Variants in GREP1 observed in about 807,000 individuals in gnomAD.
The protein encoded by GREP1 is glycine-rich extracellular protein 1.
exon 18 of GREP1, chr16:2,995,857 G>T: frequency 2.5e-6 from 1 of 398,334 alleles, no homozygotes; most frequent in East Asian, 3.6e-5. Context: ...CCCTCTCCAG[G>T]ATATGGGAAA....
chr16:3,001,663 G>T (rs1166906470), exon 35 of GREP1: 5 of 399,034 alleles, frequency 1.3e-5, no homozygotes, highest in Non-Finnish European at 2.2e-5. Context: ...CTGGCCGGGG[G>T]TCTCCTCCAT....
chr16:2,996,683 G>A (rs552824085), exon 20 of GREP1: 13 of 398,848 alleles, frequency 3.3e-5, no homozygotes, highest in South Asian at 1.3e-4. Context: ...GCCTAGGAGC[G>A]GGGATGAAGC....
intron 20 of GREP1, 134 bp downstream of exon 19, chr16:2,996,839 C>G: frequency 2.5e-6 from 1 of 399,012 alleles, no homozygotes; most frequent in Non-Finnish European, 4.4e-6. Context: ...GCACCGAGGA[C>G]CGAGGGGAGA....
intron 10 of GREP1, 98 bp from the exon 12 acceptor site, chr16:2,994,600 T>C: frequency 2.5e-6 from 1 of 398,414 alleles, no homozygotes; most frequent in Non-Finnish European, 4.4e-6. Flanking sequence ...CCTGCCTTTC[T>C]GGCTCGTTGA....
intron 33 of GREP1, 101 bp downstream of exon 27, chr16:3,000,928 G>A (rs1473427645): frequency 5.0e-6 from 2 of 397,988 alleles, no homozygotes; most frequent in Non-Finnish European, 4.4e-6. Context: ...GAGATAGAAG[G>A]TACAGCCCTC....
At chr16:2,988,328 G>C (rs942650343) in exon 1 of GREP1, 5 of 399,256 alleles carry the variant, frequency 1.3e-5, no homozygotes, top group East Asian at 3.6e-5. Context: ...CCTGACTTCC[G>C]AGAGCCTGCA....
In GREP1 at chr16:2,999,759, G is replaced by A. The variant is rs1406354902; in HGVS notation, c.1190-143G>A. On this transcript the variant is annotated intron_variant, in intron 27 of 34. Coordinates refer to ENST00000573315, the Ensembl canonical transcript of GREP1. ...GAGCCACTGCGCCCAGTCTCTTGCTGCTCTCCAGATTTCTTCTGGTTCCAT... is the reference window on the plus strand; with the variant it reads ...GAGCCACTGCGCCCAGTCTCTTGCTACTCTCCAGATTTCTTCTGGTTCCAT... 3 of 397,178 alleles carry A rather than the reference G, an allele frequency of 7.6e-6. No homozygotes were observed. The East Asian group carries it at 1.1e-4, about 14-fold the overall frequency. The allele number at this position is 397,178 out of a possible 1,614,324, so 24.6% of individuals were successfully genotyped here.
At chr16:2,996,422 G>A (rs2072425168) in intron 18 of GREP1, 74 bp from the exon 18 acceptor site, 1 of 398,662 alleles carries the variant, frequency 2.5e-6, no homozygotes, top group Non-Finnish European at 4.4e-6. Context: ...CCCCCGCCCT[G>A]TCTCTAGGGC....
rs1199866091 is a variant in GREP1, at chr16:2,996,706, G to C, written c.745+1G>C. 5 of 398,882 alleles carry C rather than the reference G, an allele frequency of 1.3e-5. No individual in the cohort carries two copies. The highest frequency in any genetic ancestry group is 2.2e-5 in the Non-Finnish European group (5 of 226,266). The allele number at this position is 398,882 out of a possible 1,614,324, so 24.7% of individuals were successfully genotyped here. A position where few individuals can be genotyped will look rare whatever the true frequency, so the allele number is the denominator to read the frequency against. On this transcript the variant is annotated splice_donor_variant, in intron 20 of 34. Coordinates refer to ENST00000573315, the Ensembl canonical transcript of GREP1. LOFTEE classifies it high-confidence loss of function. ...GCGGGGATGAAGCCTCAGATGCCAG[G>C]TGAGGGGACTGCCTGTGTCTGTGGC...
At chr16:3,001,722 G>C (rs1024283619) in exon 35 of GREP1, 2 of 398,362 alleles carry the variant, frequency 5.0e-6, no homozygotes, top group African/African-American at 4.1e-5. Flanking sequence ...TGCCATGCAA[G>C]GGGCTTGCTG....
At chr16:3,000,564 G>C in exon 32 of GREP1, 1 of 399,040 alleles carries the variant, frequency 2.5e-6, no homozygotes, top group East Asian at 3.6e-5. Flanking sequence ...GGGATGGGGT[G>C]GAAGCTCTGG....
At chr16:2,988,502 TG>T (rs2072382435) in intron 1 of GREP1, 87 bp from the exon 2 acceptor site, 3 of 398,588 alleles carry the variant, frequency 7.5e-6, no homozygotes. Flanking sequence ...TGAGGGTTTT[TG>T]GGGGCTGGAG....
At position 2,992,911 on chromosome 16, in the gene GREP1, C is replaced by A. The variant is rs72770878; in HGVS notation, c.353-20C>A. ...CAGGCCCAGAGGAAAGGATCCCTCA[C>A]CCTCTCATCTTCCCCCCAGGCTTTG... On this transcript the variant is annotated intron_variant, in intron 9 of 34. Transcript: ENST00000573315. This position sits in a 1 kb window ranked among gnomAD's most constrained non-coding sequence, Gnocchi z 4.9. The A allele has an allele frequency of 0.031, 12,378 of 399,064 alleles. 262 individuals are homozygous for A. Among genetic ancestry groups the A allele is most frequent in the South Asian group, 0.056 (441 of 7,850 alleles). The allele number at this position is 399,064 out of a possible 1,614,324, so 24.7% of individuals were successfully genotyped here. A position where few individuals can be genotyped will look rare whatever the true frequency, so the allele number is the denominator to read the frequency against.
At chr16:3,001,181 C>T in intron 33 of GREP1, 100 bp from the exon 28 acceptor site, 1 of 399,142 alleles carries the variant, frequency 2.5e-6, no homozygotes, top group Non-Finnish European at 4.4e-6. Context: ...GCCCTGGGCC[C>T]TCCGGGGAGG....
chr16:2,988,429 G>C, intron 1 of GREP1, 89 bp downstream of exon 1: 1 of 399,258 alleles, frequency 2.5e-6, no homozygotes, highest in Non-Finnish European at 4.4e-6. Flanking sequence ...CCAGATGCTG[G>C]GGTTCTGGAG....
chr16:2,993,026 G>C, intron 10 of GREP1, 63 bp downstream of exon 11: 1 of 398,542 alleles, frequency 2.5e-6, no homozygotes, highest in Non-Finnish European at 4.4e-6. Flanking sequence ...TGCTTCCCTA[G>C]AGTCCCTGAT....
At chr16:2,994,755 G>T (rs753459263) in intron 11 of GREP1, 28 bp downstream of exon 12, 48 of 398,998 alleles carry the variant, frequency 1.2e-4, no homozygotes, top group Non-Finnish European at 2.0e-4. Flanking sequence ...GTTTGGGGAG[G>T]CCCAGAGCTG....
intron 5 of GREP1, 127 bp downstream of exon 5, chr16:2,990,249 G>A: frequency 2.5e-6 from 1 of 397,990 alleles, no homozygotes; most frequent in Non-Finnish European, 4.4e-6. Flanking sequence ...CTTAGTCCAA[G>A]GGGGGGTTCA....
chr16:2,999,582 A>G (rs2072447708), intron 27 of GREP1, among the ~76,000 whole-genome samples: 1 of 145,616 alleles, frequency 6.9e-6, no homozygotes, highest in African/African-American at 2.6e-5. Context: ...CCTCCCAAGT[A>G]GTTGGCATTA....
Sources: gnomAD v4.1 joint callset for allele counts (sites outside exome capture counted in the v4.1 genomes callset) on GRCh38, gnomAD v4.1.1 for gene constraint, Gnocchi (gnomAD v3.1) non-coding constraint, MANE v1.5 for transcripts, NCBI Gene and HGNC (gene_info 2026-07-23, HGNC 2026-07-21) for gene names.